THSD4: variants seen among roughly 807,000 people sequenced by gnomAD.
THSD4 encodes thrombospondin type 1 domain containing 4.
Under a neutral mutation model 119.0 loss-of-function variants are expected in THSD4, and 69 were observed. The observed-to-expected ratio is 0.58, with a 90% CI of 0.48 to 0.71. THSD4 has a LOEUF of 0.71. Among genes scored for constraint, THSD4 ranks in the 30% least tolerant of loss-of-function variants. The pLI, the probability that THSD4 is intolerant of heterozygous loss-of-function variation, is 0.00. For missense variants in THSD4, 1,393 were observed against 1,391.1 expected (o/e 1.00, Z -0.02); for synonymous variants, 524 against 540.4 (o/e 0.97, Z 0.42).
chr15:71,213,830 TG>T (rs2043907375), intron 3 of THSD4, among the ~76,000 whole-genome samples: 1 of 152,232 alleles, frequency 6.6e-6, no homozygotes, highest in Non-Finnish European at 1.5e-5. Flanking sequence ...CCAAGCTCTC[TG>T]CTATGCACAT....
chr15:71,606,238 G>A (rs1323379710), intron 7 of THSD4, among the ~76,000 whole-genome samples: 1 of 152,138 alleles, frequency 6.6e-6, no homozygotes, highest in Non-Finnish European at 1.5e-5. Flanking sequence ...TGGTTCTTGC[G>A]AAGAGCAAAA....
intron 6 of THSD4, among the ~76,000 whole-genome samples, chr15:71,311,555 G>A (rs1233497235): frequency 6.6e-6 from 1 of 152,158 alleles, no homozygotes; most frequent in Non-Finnish European, 1.5e-5. Context: ...GTTTCATGGT[G>A]CAGTTGCTGC....
At chr15:71,445,236 A>G (rs1309251396) in intron 7 of THSD4, among the ~76,000 whole-genome samples, 1 of 151,662 alleles carries the variant, frequency 6.6e-6, no homozygotes, top group African/African-American at 2.4e-5. Context: ...CCCCAAATAG[A>G]CCTCTTTTAA....
intron 7 of THSD4, among the ~76,000 whole-genome samples, chr15:71,492,240 G>A (rs568984144): frequency 1.4e-3 from 208 of 151,800 alleles, no homozygotes; most frequent in African/African-American, 4.7e-3. Flanking sequence ...GCTGTTCCTC[G>A]TCTTAGGTTT....
At chr15:71,126,030 C>A (rs918878557) in intron 1 of THSD4, among the ~76,000 whole-genome samples, 1 of 152,176 alleles carries the variant, frequency 6.6e-6, no homozygotes, top group African/African-American at 2.4e-5. Context: ...GGCATTCTTC[C>A]TGTGTGTTTG....
rs1300074042 is a variant in THSD4 at position 71,165,435 on chromosome 15, A to G, written c.99+10503A>G. On this transcript the variant is annotated intron_variant, in intron 3 of 17. Transcript: ENST00000261862. ...TGCCCATGTTTAGTTATTTTTCCTCAGCGAGGCACAGAGTCGCCCAGTGCC... is the reference window on the plus strand; with the variant it reads ...TGCCCATGTTTAGTTATTTTTCCTCGGCGAGGCACAGAGTCGCCCAGTGCC... 2.1e-6 allele frequency: 3 copies of G among 1,459,868 alleles called. No individual in the cohort carries two copies. The Admixed American group carries it at 5.1e-5, about 25-fold the overall frequency. The allele number at this position is 1,459,868 out of a possible 1,614,324, so 90.4% of individuals were successfully genotyped here. A position where few individuals can be genotyped will look rare whatever the true frequency, so the allele number is the denominator to read the frequency against.
intron 4 of THSD4, among the ~76,000 whole-genome samples, chr15:71,230,615 A>G (rs1441472182): frequency 6.6e-6 from 1 of 152,216 alleles, no homozygotes; most frequent in Non-Finnish European, 1.5e-5. Context: ...CTTGCCCACA[A>G]TAACACAGGT....
intron 7 of THSD4, among the ~76,000 whole-genome samples, chr15:71,495,858 C>T (rs1208051328): frequency 2.0e-5 from 3 of 152,198 alleles, no homozygotes; most frequent in Non-Finnish European, 2.9e-5. Context: ...CAGGAAAAGA[C>T]CATGCGTCTC....
At chr15:71,337,445 C>G (rs891180554) in intron 6 of THSD4, among the ~76,000 whole-genome samples, 1 of 152,216 alleles carries the variant, frequency 6.6e-6, no homozygotes, top group South Asian at 2.1e-4. Context: ...AGAAAAACCG[C>G]AAATACTTGC....
intron 7 of THSD4, among the ~76,000 whole-genome samples, chr15:71,435,901 C>T (rs2047006623): frequency 6.6e-6 from 1 of 152,218 alleles, no homozygotes; most frequent in African/African-American, 2.4e-5. Context: ...ACAGACTCCA[C>T]TGACAGCTTG....
At chr15:71,569,996 AAAAAT>A (rs143350261) in intron 7 of THSD4, among the ~76,000 whole-genome samples, 23,217 of 152,006 alleles carry the variant, frequency 0.15, 2,408 homozygotes, top group East Asian at 0.48. Flanking sequence ...TCTATTTCAA[AAAAAT>A]AAAATAAAAT....
At chr15:71,308,478 C>A (rs1192909445) in intron 6 of THSD4, among the ~76,000 whole-genome samples, 3 of 70,438 alleles carry the variant, frequency 4.3e-5, no homozygotes, top group Non-Finnish European at 8.5e-5. Context: ...TCCTTCCTTG[C>A]TTTTTATTTT....
chr15:71,747,265 C>T (rs1225982016), intron 13 of THSD4, among the ~76,000 whole-genome samples: 1 of 152,140 alleles, frequency 6.6e-6, no homozygotes, highest in Non-Finnish European at 1.5e-5. Context: ...TGAGTGAGCC[C>T]AGGGGGAGCC....
chr15:71,597,089 T>C (rs1254549335), intron 7 of THSD4, among the ~76,000 whole-genome samples: 1 of 152,218 alleles, frequency 6.6e-6, no homozygotes, highest in Non-Finnish European at 1.5e-5. Flanking sequence ...GTTTCTTTTC[T>C]TATTGTTCCA....
At chr15:71,574,228 T>C (rs1323268135) in intron 7 of THSD4, among the ~76,000 whole-genome samples, 2 of 152,172 alleles carry the variant, frequency 1.3e-5, no homozygotes, top group African/African-American at 4.8e-5. Context: ...GCATTCAACA[T>C]TTATTAAGCC....
At chr15:71,383,384 C>T (rs781648607) in intron 6 of THSD4, among the ~76,000 whole-genome samples, 3 of 152,090 alleles carry the variant, frequency 2.0e-5, no homozygotes, top group Admixed American at 6.6e-5. Context: ...CTCAAAGGCA[C>T]GGAACTGAGA....
intron 8 of THSD4, among the ~76,000 whole-genome samples, chr15:71,699,252 G>A (rs1218806073): frequency 1.9e-5 from 1 of 51,352 alleles, no homozygotes; most frequent in Non-Finnish European, 3.0e-5. Context: ...TCGCTCTGTC[G>A]CCCAGGCTGG....
chr15:71,281,016 C>T (rs943641934), intron 6 of THSD4, among the ~76,000 whole-genome samples: 2 of 152,220 alleles, frequency 1.3e-5, no homozygotes, highest in African/African-American at 2.4e-5. Context: ...GCTTCTGTAA[C>T]TTGTGGGTTA....
intron 1 of THSD4, among the ~76,000 whole-genome samples, chr15:71,136,300 T>G (rs2040551672): frequency 6.6e-6 from 1 of 151,976 alleles, no homozygotes; most frequent in Non-Finnish European, 1.5e-5. Context: ...CCACCTAGAA[T>G]GTCAGACTGG....
Sources: allele counts gnomAD v4.1 joint callset (sites outside exome capture counted in the v4.1 genomes callset), GRCh38; gene constraint gnomAD v4.1.1; transcripts MANE v1.5; gene names NCBI Gene and HGNC (gene_info 2026-07-23, HGNC 2026-07-21).